The following PAK2 variants were observed in gnomAD, a reference collection of about 807,000 sequenced individuals.
The protein encoded by PAK2 is serine/threonine-protein kinase PAK 2.
In PAK2, 21 loss-of-function variants were observed where a neutral mutation model predicts 65.9. That is an observed-to-expected ratio of 0.32 (90% CI 0.23 to 0.46). The LOEUF is 0.46. PAK2 is among the 20% of genes least tolerant of loss of function. PAK2 has a pLI of 1.00. For synonymous variants in PAK2, 204 were observed against 219.7 expected (o/e 0.93, Z 0.63); for missense variants, 324 against 642.6 (o/e 0.50, Z 5.36).
chr3:196,753,996 A>G (rs998377177), intron 1 of PAK2, among the ~76,000 whole-genome samples: 1 of 152,120 alleles, frequency 6.6e-6, no homozygotes, highest in Non-Finnish European at 1.5e-5. Flanking sequence ...TCTGTCCCCT[A>G]TGTGAACTGC....
At chr3:196,801,499 A>G (rs1486180761) in intron 2 of PAK2, among the ~76,000 whole-genome samples, 1 of 152,142 alleles carries the variant, frequency 6.6e-6, no homozygotes, top group Non-Finnish European at 1.5e-5. Context: ...CTTTGATTCT[A>G]GTGTGTTTTC....
chr3:196,740,946 G>A lies in PAK2; in HGVS notation c.-22+789G>A, dbSNP rs137943665. Among the ~76,000 whole-genome samples the A allele has an allele frequency of 2.4e-4, 36 of 152,302 alleles. 2 individuals carry two copies. The East Asian group carries it at 6.9e-3, about 29-fold the overall frequency. Reference sequence around the variant, plus strand: ...CAAGAACAGAAGCGTGTCATCGTCAGTGGGTGTGAGGTTGTACCCATCCTT... The same window carrying A: ...CAAGAACAGAAGCGTGTCATCGTCAATGGGTGTGAGGTTGTACCCATCCTT... On this transcript the variant is annotated intron_variant, in intron 1 of 14. Transcript: ENST00000327134.
intron 1 of PAK2, among the ~76,000 whole-genome samples, chr3:196,752,708 TC>T (rs1254233735): frequency 6.6e-6 from 1 of 152,060 alleles, no homozygotes; most frequent in East Asian, 1.9e-4. Context: ...CAAGCAATTT[TC>T]CTGACCTCAG....
intron 13 of PAK2, among the ~76,000 whole-genome samples, chr3:196,825,678 C>T (rs181080218): frequency 6.8e-4 from 104 of 151,902 alleles, no homozygotes; most frequent in African/African-American, 2.4e-3. Context: ...AAATAAAATT[C>T]AATTTATAGA....
chr3:196,793,121 C>G (rs1427095009), intron 2 of PAK2, among the ~76,000 whole-genome samples: 3 of 152,072 alleles, frequency 2.0e-5, no homozygotes, highest in Non-Finnish European at 4.4e-5. Flanking sequence ...GTGTCAAAGG[C>G]CCCCCAGGAC....
intron 2 of PAK2, among the ~76,000 whole-genome samples, chr3:196,784,237 T>A (rs75562573): frequency 2.9e-5 from 4 of 136,536 alleles, no homozygotes; most frequent in South Asian, 2.3e-4. Context: ...TTTTTTTTTT[T>A]AATTATACTT....
At chr3:196,754,673 C>T (rs1713712265) in intron 1 of PAK2, among the ~76,000 whole-genome samples, 1 of 152,210 alleles carries the variant, frequency 6.6e-6, no homozygotes, top group African/African-American at 2.4e-5. Flanking sequence ...TTCACTAAAC[C>T]TCCCAGGAAG....
intron 1 of PAK2, among the ~76,000 whole-genome samples, chr3:196,740,625 G>T (rs1481314965): frequency 1.3e-5 from 2 of 152,094 alleles, no homozygotes; most frequent in Non-Finnish European, 2.9e-5. Flanking sequence ...ATATTGTCGC[G>T]AGTAGCTTGA....
chr3:196,756,244 C>T (rs1013325877), intron 1 of PAK2, among the ~76,000 whole-genome samples: 45 of 152,158 alleles, frequency 3.0e-4, no homozygotes, highest in African/African-American at 1.1e-3. Context: ...AAAAGGGTCA[C>T]ATTTGAATTA....
In PAK2 at chr3:196,759,498, G is replaced by GTTTTTTTTTTT. The variant is rs71301221; in HGVS notation, c.-22+19370_-22+19380dup. ...GGTATACAGTTAAGTGGTTTTTTTT[G>GTTTTTTTTTTT]TTTTTTTTTTTTTTTTTTTTTTTTT... On this transcript the variant is annotated intron_variant, in intron 1 of 14. Transcript: ENST00000327134. Among the ~76,000 whole-genome samples, 184 of 108,092 alleles carry GTTTTTTTTTTT rather than the reference G, an allele frequency of 1.7e-3. 14 individuals carry two copies. Among genetic ancestry groups the GTTTTTTTTTTT allele is most frequent in the East Asian group, 2.4e-3 (9 of 3,676 alleles). The allele number at this position is 108,092 out of a possible 152,430, so 70.9% of individuals were successfully genotyped here.
At chr3:196,794,461 C>G (rs1161477032) in intron 2 of PAK2, among the ~76,000 whole-genome samples, 1 of 152,210 alleles carries the variant, frequency 6.6e-6, no homozygotes, top group African/African-American at 2.4e-5. Context: ...TCTGCAACAC[C>G]CGTTCCCCCT....
chr3:196,801,967 T>C lies in PAK2; in HGVS notation c.228T>C (p.Pro76=). ...AAAAGGAACGGCCAGAAATTTCTCC[T>C]CCATCTGATTTTGAGCACACCATCC... The part of the protein sequence containing the change: ...KKEKERPEIS[P]PSDFEHTIHV... The change falls in exon 3 of 15, where the codon CCT becomes CCC. Residue 76 remains proline, a synonymous_variant. Coordinates refer to ENST00000327134, the MANE Select transcript of PAK2 (RefSeq NM_002577.4). 1 of 1,611,082 alleles carries C rather than the reference T, an allele frequency of 6.2e-7. No individual in the cohort carries two copies. The highest frequency in any genetic ancestry group is 8.5e-7 in the Non-Finnish European group (1 of 1,177,192).
At chr3:196,758,264 G>T (rs1560092295) in intron 1 of PAK2, among the ~76,000 whole-genome samples, 1 of 152,226 alleles carries the variant, frequency 6.6e-6, no homozygotes, top group Non-Finnish European at 1.5e-5. Context: ...GAGATAAAAG[G>T]AAATAAACCA....
At chr3:196,823,811 CAAAAAAAA>C (rs1004879720) in intron 13 of PAK2, among the ~76,000 whole-genome samples, 1 of 77,016 alleles carries the variant, frequency 1.3e-5, no homozygotes, top group African/African-American at 5.0e-5. Flanking sequence ...GATTCTGTCG[CAAAAAAAA>C]AAAAAAAGAA....
At chr3:196,748,092 G>A (rs1713450837) in intron 1 of PAK2, among the ~76,000 whole-genome samples, 1 of 151,942 alleles carries the variant, frequency 6.6e-6, no homozygotes, top group African/African-American at 2.4e-5. Context: ...GAACAAATAG[G>A]TATGAAATAA....
chr3:196,817,268 G>T (rs1408513228), intron 11 of PAK2, among the ~76,000 whole-genome samples: 3 of 149,690 alleles, frequency 2.0e-5, no homozygotes, highest in African/African-American at 5.0e-5. Flanking sequence ...GGATTCAAGG[G>T]ATTCTCCTGC....
At chr3:196,826,328 C>T (rs1287830147) in intron 13 of PAK2, among the ~76,000 whole-genome samples, 6 of 151,900 alleles carry the variant, frequency 3.9e-5, no homozygotes, top group Non-Finnish European at 7.4e-5. Context: ...CCCACCACCA[C>T]GCCCGGCTAA....
chr3:196,784,107 T>C (rs1173474688), intron 2 of PAK2, among the ~76,000 whole-genome samples: 1 of 152,232 alleles, frequency 6.6e-6, no homozygotes, highest in Non-Finnish European at 1.5e-5. Context: ...TAGAATCACC[T>C]GGGAAGCTTA....
chr3:196,802,557 C>A (rs1577732207), intron 3 of PAK2, among the ~76,000 whole-genome samples: 2 of 151,556 alleles, frequency 1.3e-5, no homozygotes, highest in East Asian at 4.0e-4. Flanking sequence ...AAAAAATAGA[C>A]CTAGGCCGGG....
Sources: allele counts gnomAD v4.1 joint callset (sites outside exome capture counted in the v4.1 genomes callset), GRCh38; gene constraint gnomAD v4.1.1; transcripts MANE v1.5; gene names NCBI Gene and HGNC (gene_info 2026-07-23, HGNC 2026-07-21).